The following HLCS variants were observed in gnomAD, a reference collection of about 807,000 sequenced individuals.
The protein encoded by HLCS is biotin--protein ligase.
A neutral mutation model predicts 75.0 loss-of-function variants in HLCS; 53 were observed. The ratio of observed to expected loss-of-function variants is 0.71; its 90% CI spans 0.57 to 0.89. The LOEUF is 0.89. HLCS is among the 40% of genes least tolerant of loss of function. The pLI, the probability that HLCS is intolerant of heterozygous loss-of-function variation, is 0.00. For missense variants in HLCS, 966 were observed against 1,074.0 expected (o/e 0.90, Z 1.41); for synonymous variants, 431 against 428.6 (o/e 1.01, Z -0.07).
At chr21:36,971,279 C>G (rs1305934686), upstream of HLCS, among the ~76,000 whole-genome samples, 3 of 152,080 alleles carry the variant, frequency 2.0e-5, no homozygotes, top group East Asian at 5.8e-4. Context: ...AGCCTTACCC[C>G]AAGATGCACC....
At chr21:36,856,875 CCA>C (rs148359446) in intron 6 of HLCS, among the ~76,000 whole-genome samples, 1 of 151,606 alleles carries the variant, frequency 6.6e-6, no homozygotes. Context: ...GCACGTAAAA[CCA>C]CACACACACA....
intron 5 of HLCS, among the ~76,000 whole-genome samples, chr21:36,921,645 G>T (rs1293123160): frequency 6.6e-6 from 1 of 152,072 alleles, no homozygotes; most frequent in Non-Finnish European, 1.5e-5. Context: ...CTGCTGATGG[G>T]CAACGCTGTT....
intron 5 of HLCS, among the ~76,000 whole-genome samples, chr21:36,910,603 T>C (rs1377737559): frequency 6.6e-6 from 1 of 151,700 alleles, no homozygotes; most frequent in Non-Finnish European, 1.5e-5. Context: ...TGACTTCATC[T>C]AAGGCAGGGA....
rs1474579452 is a variant in HLCS at position 36,750,964 on chromosome 21, G to A, written c.*3282C>T. On this transcript the variant is annotated 3_prime_UTR_variant, in exon 11 of 11. Coordinates refer to ENST00000674895, the MANE Select transcript of HLCS (RefSeq NM_001352514.2). ...GGAGTTTTGTTAACTTTCGTTCTTT[G>A]GAGTAATAATATTTCTCTTGTGTAT... 3 of 151,528 alleles carry A rather than the reference G, an allele frequency of 2.0e-5. No homozygotes were observed. Among genetic ancestry groups the A allele is most frequent in the Non-Finnish European group, 4.4e-5 (3 of 67,940 alleles). The allele number at this position is 151,528 out of a possible 1,614,324, so 9.4% of individuals were successfully genotyped here.
At chr21:36,815,735 C>T (rs544385312) in intron 6 of HLCS, among the ~76,000 whole-genome samples, 29 of 152,248 alleles carry the variant, frequency 1.9e-4, no homozygotes, top group African/African-American at 7.0e-4. Context: ...ACTCGCTTCA[C>T]TTTCCAAAAG....
At chr21:36,760,924 C>T (rs1223797825) in intron 8 of HLCS, among the ~76,000 whole-genome samples, 4 of 152,322 alleles carry the variant, frequency 2.6e-5, no homozygotes, top group Admixed American at 6.5e-5. Flanking sequence ...TTTTAGACCT[C>T]GGGCTGGCAG....
At chr21:36,823,538 A>T (rs1286547819) in intron 6 of HLCS, among the ~76,000 whole-genome samples, 1 of 151,976 alleles carries the variant, frequency 6.6e-6, no homozygotes, top group Non-Finnish European at 1.5e-5. Flanking sequence ...CTGCATTCAC[A>T]AATACGTGTA....
rs1367244146 is a variant in HLCS at position 36,936,848 on chromosome 21, G to A, written c.1038C>T (p.His346=). The A allele has an allele frequency of 1.2e-6, 2 of 1,614,180 alleles. No homozygotes were observed. Among genetic ancestry groups the A allele is most frequent in the Admixed American group, 1.7e-5 (1 of 60,032 alleles). The part of the protein sequence containing the change: ...CVDIDSYILY[H]LLEDSALRDP... ...CTCTGAGAGCACTGTCCTCCAGCAG[G>A]TGGTAGAGAATATAACTGTCAATGT... Residue 346 remains histidine, a synonymous_variant, in exon 4 of 11, where the codon CAC becomes CAT. Coordinates refer to ENST00000674895, the MANE Select transcript of HLCS (RefSeq NM_001352514.2).
At chr21:36,799,054 C>A (rs1987078769) in intron 6 of HLCS, among the ~76,000 whole-genome samples, 1 of 151,626 alleles carries the variant, frequency 6.6e-6, no homozygotes, top group African/African-American at 2.4e-5. Context: ...ATCATTTTTT[C>A]TTTTATAGTT....
chr21:36,798,748 T>A (rs1431451810), intron 6 of HLCS, among the ~76,000 whole-genome samples: 1 of 152,268 alleles, frequency 6.6e-6, no homozygotes, highest in Admixed American at 6.5e-5. Context: ...TGAAGTGGTA[T>A]CTTATCATAG....
At chr21:36,847,809 A>G (rs2062848522) in intron 6 of HLCS, among the ~76,000 whole-genome samples, 1 of 152,160 alleles carries the variant, frequency 6.6e-6, no homozygotes, top group South Asian at 2.1e-4. Context: ...AGATAAGGGG[A>G]AATTTCTCCC....
chr21:36,792,501 G>A (rs1305405454), intron 6 of HLCS, among the ~76,000 whole-genome samples: 2 of 150,496 alleles, frequency 1.3e-5, no homozygotes, highest in African/African-American at 4.9e-5. Context: ...GGAAGGGAAG[G>A]GAGCGGGGGG....
chr21:36,926,640 GGAA>G (rs777355169), intron 5 of HLCS, among the ~76,000 whole-genome samples: 11 of 151,650 alleles, frequency 7.3e-5, no homozygotes, highest in Non-Finnish European at 1.2e-4. Context: ...TAGAAAATTT[GGAA>G]AATACAGAGA....
At chr21:36,807,686 T>A (rs1179525816) in intron 6 of HLCS, among the ~76,000 whole-genome samples, 2 of 152,172 alleles carry the variant, frequency 1.3e-5, no homozygotes, top group Non-Finnish European at 2.9e-5. Flanking sequence ...CACTTTATGT[T>A]CATCACCGCG....
At chr21:36,931,607 A>C (rs1382953179) in intron 4 of HLCS, among the ~76,000 whole-genome samples, 1 of 151,980 alleles carries the variant, frequency 6.6e-6, no homozygotes, top group East Asian at 1.9e-4. Context: ...AAAATTAGCC[A>C]GGCGTGGGTG....
chr21:36,841,107 G>T (rs1357595635), intron 6 of HLCS, among the ~76,000 whole-genome samples: 1 of 152,036 alleles, frequency 6.6e-6, no homozygotes, highest in South Asian at 2.1e-4. Context: ...GGACTTAGGC[G>T]TGAAAAAACC....
At chr21:36,889,579 T>C (rs934254433) in intron 6 of HLCS, among the ~76,000 whole-genome samples, 1 of 152,152 alleles carries the variant, frequency 6.6e-6, no homozygotes, top group African/African-American at 2.4e-5. Context: ...TGGGAGGGGC[T>C]TTTCCTGCAG....
chr21:36,764,028 C>A (rs1327375309), intron 8 of HLCS, among the ~76,000 whole-genome samples: 2 of 152,220 alleles, frequency 1.3e-5, no homozygotes, highest in African/African-American at 4.8e-5. Context: ...CCCCAAATAA[C>A]CCTTTTCAAC....
chr21:36,847,500 C>G (rs2062837640), intron 6 of HLCS, among the ~76,000 whole-genome samples: 1 of 152,050 alleles, frequency 6.6e-6, no homozygotes, highest in African/African-American at 2.4e-5. Context: ...AGTCAGTTTG[C>G]TGGATTTTAT....
Sources: gnomAD v4.1 joint callset for allele counts (sites outside exome capture counted in the v4.1 genomes callset) on GRCh38, gnomAD v4.1.1 for gene constraint, MANE v1.5 for transcripts, NCBI Gene and HGNC (gene_info 2026-07-23, HGNC 2026-07-21) for gene names.